Variants in PEX5L observed in about 807,000 individuals in gnomAD.
PEX5L encodes the protein PEX5-related protein.
A neutral mutation model predicts 84.0 loss-of-function variants in PEX5L; 30 were observed. The observed-to-expected ratio is 0.36, with a 90% CI of 0.27 to 0.48. The LOEUF (loss-of-function observed/expected upper bound fraction) is 0.48, where lower values mean the gene tolerates loss of function less well. PEX5L is among the 20% of genes least tolerant of loss of function. PEX5L has a pLI of 0.99. For synonymous variants in PEX5L, 270 were observed against 283.1 expected (o/e 0.95, Z 0.46); for missense variants, 533 against 754.6 (o/e 0.71, Z 3.44).
intron 2 of PEX5L, among the ~76,000 whole-genome samples, chr3:179,943,641 C>T (rs1379401778): frequency 6.6e-6 from 1 of 152,094 alleles, no homozygotes; most frequent in African/African-American, 2.4e-5. Flanking sequence ...TTTATTCCAC[C>T]ACGTGGAGAA....
chr3:179,861,416 T>C (rs113299475), intron 7 of PEX5L, among the ~76,000 whole-genome samples: 2 of 152,310 alleles, frequency 1.3e-5, no homozygotes, highest in African/African-American at 4.8e-5. Context: ...GCCTGGGCTT[T>C]AGAAGTGGGC....
intron 2 of PEX5L, among the ~76,000 whole-genome samples, chr3:179,906,690 C>G (rs1463830964): frequency 6.6e-6 from 1 of 152,068 alleles, no homozygotes; most frequent in Non-Finnish European, 1.5e-5. Context: ...TGTCAAATAT[C>G]TCAGATCATT....
Position 179,962,447 on chromosome 3 carries a change from T to A in PEX5L, c.93+9147A>T, listed in dbSNP as rs544823053. 2.5e-3 allele frequency among the ~76,000 whole-genome samples: 383 copies of A among 152,332 alleles called. 2 individuals carry two copies. Among genetic ancestry groups the A allele is most frequent in the African/African-American group, 8.8e-3 (366 of 41,574 alleles). ...ATTTTGATTATAACAAGTAATATGA[T>A]TAAGCTTCTTAGAACAATATCTTTT... is the stretch of plus-strand genomic sequence containing the variant. On this transcript the variant is annotated intron_variant, in intron 2 of 14. Coordinates refer to ENST00000467460, the MANE Select transcript of PEX5L (RefSeq NM_016559.3).
chr3:179,967,752 A>G (rs759705885), intron 2 of PEX5L, among the ~76,000 whole-genome samples: 25 of 152,222 alleles, frequency 1.6e-4, no homozygotes, highest in Non-Finnish European at 3.4e-4. Context: ...CTCCTTTAAA[A>G]CTGCATTAGT....
At chr3:179,836,114 C>G (rs1012153685) in intron 8 of PEX5L, among the ~76,000 whole-genome samples, 3 of 152,176 alleles carry the variant, frequency 2.0e-5, no homozygotes, top group Non-Finnish European at 4.4e-5. Flanking sequence ...TTTCCCCTTA[C>G]ATTTACATGT....
chr3:179,992,168 C>T (rs1021638884), intron 1 of PEX5L, among the ~76,000 whole-genome samples: 1 of 152,110 alleles, frequency 6.6e-6, no homozygotes, highest in African/African-American at 2.4e-5. Flanking sequence ...TGATGTGACA[C>T]TATATGCAAT....
chr3:180,020,584 A>G (rs1477466002), intron 1 of PEX5L, among the ~76,000 whole-genome samples: 1 of 152,140 alleles, frequency 6.6e-6, no homozygotes, highest in African/African-American at 2.4e-5. Context: ...ACCCACAGAG[A>G]TAAAGTGATG....
At chr3:179,953,415 A>C (rs868021079) in intron 2 of PEX5L, among the ~76,000 whole-genome samples, 1 of 152,196 alleles carries the variant, frequency 6.6e-6, no homozygotes, top group Non-Finnish European at 1.5e-5. Flanking sequence ...AGAAAAAAAC[A>C]ACCCATCAAA....
chr3:179,898,379 C>A, intron 2 of PEX5L, 133 bp from the exon 3 acceptor site: 1 of 559,458 alleles, frequency 1.8e-6, no homozygotes. Context: ...AATCTTGAGG[C>A]TTTTGGCTGA....
At chr3:179,885,998 A>C (rs2108835345) in intron 4 of PEX5L, among the ~76,000 whole-genome samples, 1 of 152,264 alleles carries the variant, frequency 6.6e-6, no homozygotes, top group African/African-American at 2.4e-5. Context: ...CATTCTTTTG[A>C]TTTTTTTCCT....
At chr3:179,922,446 CTTTTCTTTT>C (rs1003109605) in intron 2 of PEX5L, among the ~76,000 whole-genome samples, 1 of 70,818 alleles carries the variant, frequency 1.4e-5, no homozygotes, top group African/African-American at 5.2e-5. Context: ...GCTTCCTTTT[CTTTTCTTTT>C]TTTTTTTTTT....
At chr3:179,918,069 CCT>C (rs1767878347) in intron 2 of PEX5L, among the ~76,000 whole-genome samples, 1 of 152,124 alleles carries the variant, frequency 6.6e-6, no homozygotes, top group African/African-American at 2.4e-5. Flanking sequence ...AGAGAGGTTA[CCT>C]GGGAAGAACT....
Position 179,815,918 on chromosome 3 carries a change from C to T in PEX5L, c.1026G>A (p.Leu342=). 1 of 1,614,158 alleles carries T rather than the reference C, an allele frequency of 6.2e-7. No homozygotes were observed. Among genetic ancestry groups the T allele is most frequent in the South Asian group, 1.1e-5 (1 of 91,078 alleles). The change falls in exon 10 of 15, where the codon CTG becomes CTA. Residue 342 remains leucine, a synonymous_variant. Transcript: ENST00000467460. ...EGLKRLKEGD[L]PVTILFMEAA... ...CTTCCATGAACAGGATGGTGACTGGCAGATCCCCTTCCTTCAGCCTTTTTA... is the reference window on the plus strand; with the variant it reads ...CTTCCATGAACAGGATGGTGACTGGTAGATCCCCTTCCTTCAGCCTTTTTA...
intron 2 of PEX5L, among the ~76,000 whole-genome samples, chr3:179,943,823 A>G (rs1776800501): frequency 6.6e-6 from 1 of 152,194 alleles, no homozygotes; most frequent in African/African-American, 2.4e-5. Flanking sequence ...AATTCTACCA[A>G]TTGTGCTCCA....
intron 8 of PEX5L, among the ~76,000 whole-genome samples, chr3:179,836,094 T>A (rs1734830526): frequency 6.6e-6 from 1 of 152,228 alleles, no homozygotes; most frequent in Non-Finnish European, 1.5e-5. Context: ...CAGTATATCT[T>A]ATTTTAGGTT....
intron 2 of PEX5L, among the ~76,000 whole-genome samples, chr3:179,939,956 T>C (rs953854284): frequency 6.6e-6 from 1 of 152,212 alleles, no homozygotes; most frequent in Non-Finnish European, 1.5e-5. Context: ...AGGAAAGTTA[T>C]ATGATGACAG....
intron 1 of PEX5L, among the ~76,000 whole-genome samples, chr3:180,019,795 G>A (rs1282794660): frequency 1.3e-5 from 2 of 152,104 alleles, no homozygotes; most frequent in Non-Finnish European, 2.9e-5. Flanking sequence ...TTAAATGATG[G>A]GAAGTAGTGG....
rs183615654 is a variant in PEX5L at position 179,958,245 on chromosome 3, C to A, written c.93+13349G>T. Among the ~76,000 whole-genome samples the A allele has an allele frequency of 3.9e-5, 6 of 152,080 alleles. No homozygotes were observed. The East Asian group carries it at 1.2e-3, about 29-fold the overall frequency. On this transcript the variant is annotated intron_variant, in intron 2 of 14. Transcript: ENST00000467460. ...AACAGTCAAAATTGCAAGAAATTTCCTTAATAAGTGAGGGAGGTATGATGA... is the reference window on the plus strand; with the variant it reads ...AACAGTCAAAATTGCAAGAAATTTCATTAATAAGTGAGGGAGGTATGATGA...
At chr3:179,970,037 T>C (rs1408701140) in intron 2 of PEX5L, among the ~76,000 whole-genome samples, 1 of 152,026 alleles carries the variant, frequency 6.6e-6, no homozygotes, top group Non-Finnish European at 1.5e-5. Context: ...GATCTCAAAA[T>C]ATAACTTTGC....
Sources: allele counts gnomAD v4.1 joint callset (sites outside exome capture counted in the v4.1 genomes callset), GRCh38; gene constraint gnomAD v4.1.1; transcripts MANE v1.5; gene names NCBI Gene and HGNC (gene_info 2026-07-23, HGNC 2026-07-21).